Variants in FGF10 observed in about 807,000 individuals in gnomAD.
FGF10 encodes FGF-10.
A neutral mutation model predicts 19.8 loss-of-function variants in FGF10; 2 were observed. The observed-to-expected ratio is 0.10, with a 90% CI of 0.04 to 0.32. The LOEUF is 0.32. Ranked by LOEUF, FGF10 falls within the 10% of genes least tolerant of loss-of-function variation. The pLI, the probability that FGF10 is intolerant of heterozygous loss-of-function variation, is 1.00. For synonymous variants in FGF10, 112 were observed against 94.0 expected, an observed-to-expected ratio of 1.19 and a Z score of -1.10; for missense variants, 191 against 246.3, an observed-to-expected ratio of 0.78 and a Z score of 1.50.
At chr5:44,375,965 A>C (rs1380647483) in intron 1 of FGF10, among the ~76,000 whole-genome samples, 1 of 152,128 alleles carries the variant, frequency 6.6e-6, no homozygotes, top group Non-Finnish European at 1.5e-5. Flanking sequence ...TTTTTTGAGA[A>C]TCAATTGATG....
intron 1 of FGF10, among the ~76,000 whole-genome samples, chr5:44,340,515 GAC>G (rs1740945321): frequency 6.6e-6 from 1 of 152,008 alleles, no homozygotes; most frequent in South Asian, 2.1e-4. Context: ...TTAATAATAG[GAC>G]ACAGATAAAT....
At chr5:44,322,215 C>T (rs142293253) in intron 1 of FGF10, among the ~76,000 whole-genome samples, 1 of 152,292 alleles carries the variant, frequency 6.6e-6, no homozygotes, top group East Asian at 1.9e-4. Flanking sequence ...CCAAAACTTG[C>T]CTATTTGTGT....
In FGF10 at chr5:44,304,712, A is replaced by G. The variant is rs1740035697; in HGVS notation, c.*283T>C. 2 of 395,218 alleles carry G rather than the reference A, an allele frequency of 5.1e-6. No individual in the cohort carries two copies. Among genetic ancestry groups the G allele is most frequent in the Admixed American group, 4.0e-5 (1 of 24,978 alleles). The allele number at this position is 395,218 out of a possible 1,614,324, so 24.5% of individuals were successfully genotyped here. A position where few individuals can be genotyped will look rare whatever the true frequency, so the allele number is the denominator to read the frequency against. On this transcript the variant is annotated 3_prime_UTR_variant, in exon 3 of 3. Coordinates refer to ENST00000264664, the MANE Select transcript of FGF10 (RefSeq NM_004465.2). The stretch of plus-strand genomic sequence containing the variant: ...TCAGAGGTTTAAAAACAAAAACTTG[A>G]CAACAACAACAAAAAACCCAGCCAC...
intron 1 of FGF10, among the ~76,000 whole-genome samples, chr5:44,317,147 C>T (rs953826443): frequency 1.3e-5 from 2 of 152,132 alleles, no homozygotes; most frequent in Non-Finnish European, 2.9e-5. Context: ...AGTCCACCTC[C>T]TACCATTATA....
chr5:44,370,255 G>A (rs1167852088), intron 1 of FGF10, among the ~76,000 whole-genome samples: 1 of 152,082 alleles, frequency 6.6e-6, no homozygotes, highest in African/African-American at 2.4e-5. Flanking sequence ...AATAGGTAGG[G>A]TATGGATCTC....
intron 1 of FGF10, among the ~76,000 whole-genome samples, chr5:44,332,428 G>A (rs1190159779): frequency 6.6e-6 from 1 of 152,108 alleles, no homozygotes; most frequent in Non-Finnish European, 1.5e-5. Context: ...ATTTCTCTAT[G>A]TAACCTGGTT....
intron 1 of FGF10, among the ~76,000 whole-genome samples, chr5:44,317,196 T>C (rs2111712323): frequency 6.6e-6 from 1 of 152,334 alleles, no homozygotes; most frequent in East Asian, 1.9e-4. Context: ...ATTTGAGTTA[T>C]TTAGTTTCTC....
Position 44,366,671 on chromosome 5 carries a change from A to T in FGF10, c.325+21687T>A, listed in dbSNP as rs182943785. Among the ~76,000 whole-genome samples the T allele has an allele frequency of 6.6e-5, 10 of 152,168 alleles. No homozygotes were observed. The East Asian group carries it at 1.9e-3, about 30-fold the overall frequency. ...ATCAATTTGCCTTCAAAAGCAAAAAAGCAAATCTTCCATTAGTACAAGGTT... is the reference window on the plus strand; with the variant it reads ...ATCAATTTGCCTTCAAAAGCAAAAATGCAAATCTTCCATTAGTACAAGGTT... On this transcript the variant is annotated intron_variant, in intron 1 of 2. Transcript: ENST00000264664.
chr5:44,344,568 C>CTG lies in FGF10; in HGVS notation c.326-34040_326-34039dup, dbSNP rs1166640935. Among the ~76,000 whole-genome samples, 360 of 126,780 alleles carry CTG rather than the reference C, an allele frequency of 2.8e-3. 4 individuals carry two copies. The highest frequency in any genetic ancestry group is 4.2e-3 in the Middle Eastern group (1 of 238). The allele number at this position is 126,780 out of a possible 152,430, so 83.2% of individuals were successfully genotyped here. Reference sequence around the variant, plus strand: ...TTAGGGTTTTACTGTTTTGTTTTCTCTGTGTGTGTGTGTGTGTGTGTGTGT... The same window carrying CTG: ...TTAGGGTTTTACTGTTTTGTTTTCTCTGTGTGTGTGTGTGTGTGTGTGTGTGT... On this transcript the variant is annotated intron_variant, in intron 1 of 2. Coordinates refer to ENST00000264664, the MANE Select transcript of FGF10 (RefSeq NM_004465.2).
intron 1 of FGF10, among the ~76,000 whole-genome samples, chr5:44,354,948 T>C (rs950394123): frequency 1.3e-5 from 2 of 151,472 alleles, no homozygotes; most frequent in Non-Finnish European, 3.0e-5. Context: ...ACCATTATAA[T>C]ACCAGTTCCC....
At chr5:44,323,455 A>G (rs936478909) in intron 1 of FGF10, among the ~76,000 whole-genome samples, 1 of 152,174 alleles carries the variant, frequency 6.6e-6, no homozygotes, top group African/African-American at 2.4e-5. Flanking sequence ...GAAAAGCAAC[A>G]CTGGGCTAGA....
chr5:44,310,617 T>G lies in FGF10; in HGVS notation c.326-87A>C, dbSNP rs2111688859. The G allele has an allele frequency of 7.9e-6, 8 of 1,007,072 alleles. No individual in the cohort carries two copies. The South Asian group carries it at 9.7e-5, about 12-fold the overall frequency. The allele number at this position is 1,007,072 out of a possible 1,614,324, so 62.4% of individuals were successfully genotyped here. A position where few individuals can be genotyped will look rare whatever the true frequency, so the allele number is the denominator to read the frequency against. ...AAATCAAAAGAAACTATTGAGTTGT[T>G]TTTTGTGTGGTTCTAAAAACAAAAG... is the stretch of plus-strand genomic sequence containing the variant. On this transcript the variant is annotated intron_variant, in intron 1 of 2. Transcript: ENST00000264664.
chr5:44,353,860 C>T (rs562521122), intron 1 of FGF10, among the ~76,000 whole-genome samples: 5 of 151,402 alleles, frequency 3.3e-5, no homozygotes, highest in South Asian at 2.1e-4. Flanking sequence ...AGAGTAGTTC[C>T]GGTTTATCCA....
chr5:44,353,710 C>A (rs1372583504), intron 1 of FGF10, among the ~76,000 whole-genome samples: 1 of 151,298 alleles, frequency 6.6e-6, no homozygotes, highest in African/African-American at 2.4e-5. Flanking sequence ...GAAGTTCCAC[C>A]ATCTCTCCCT....
intron 1 of FGF10, among the ~76,000 whole-genome samples, chr5:44,320,507 T>C (rs1740460650): frequency 6.6e-6 from 1 of 152,080 alleles, no homozygotes; most frequent in Non-Finnish European, 1.5e-5. Context: ...CCTACAAAAA[T>C]TCAGCATTTA....
At chr5:44,377,069 C>G (rs1741883290) in intron 1 of FGF10, among the ~76,000 whole-genome samples, 1 of 152,190 alleles carries the variant, frequency 6.6e-6, no homozygotes, top group South Asian at 2.1e-4. Context: ...TGTTTCCTCC[C>G]TGTGATTTCC....
At chr5:44,350,217 GTAAAC>G (rs1472371914) in intron 1 of FGF10, among the ~76,000 whole-genome samples, 3 of 150,404 alleles carry the variant, frequency 2.0e-5, no homozygotes, top group African/African-American at 7.3e-5. Flanking sequence ...AAATGGTTAA[GTAAAC>G]TAAGATATAA....
At chr5:44,361,788 T>G (rs1276415770) in intron 1 of FGF10, among the ~76,000 whole-genome samples, 1 of 151,676 alleles carries the variant, frequency 6.6e-6, no homozygotes, top group Admixed American at 6.6e-5. Flanking sequence ...TTTTCCCTGA[T>G]TTTGGTTTGC....
chr5:44,315,479 G>A (rs893515012), intron 1 of FGF10, among the ~76,000 whole-genome samples: 1 of 152,124 alleles, frequency 6.6e-6, no homozygotes, highest in Non-Finnish European at 1.5e-5. Context: ...AAAACTAAAG[G>A]TTCTGCTTCA....
Sources: gnomAD v4.1 joint callset for allele counts (sites outside exome capture counted in the v4.1 genomes callset) on GRCh38, gnomAD v4.1.1 for gene constraint, MANE v1.5 for transcripts, NCBI Gene and HGNC (gene_info 2026-07-23, HGNC 2026-07-21) for gene names.